The following SLC7A14 variants were observed in gnomAD, a reference collection of about 807,000 sequenced individuals.
SLC7A14 encodes gamma-aminobutyric acid transporter SLC7A14.
A neutral mutation model predicts 60.2 loss-of-function variants in SLC7A14; 37 were observed. That is an observed-to-expected ratio of 0.61 (90% CI 0.47 to 0.81). The LOEUF (loss-of-function observed/expected upper bound fraction) is 0.81. Among genes scored for constraint, SLC7A14 ranks in the 30% least tolerant of loss-of-function variants. The pLI, the probability that SLC7A14 is intolerant of heterozygous loss-of-function variation, is 0.00. For synonymous variants in SLC7A14, 399 were observed against 395.8 expected (o/e 1.01, Z -0.10); for missense variants, 886 against 982.7 (o/e 0.90, Z 1.32).
intron 4 of SLC7A14, chr3:170,496,546 G>C (rs1470786477): frequency 2.6e-5 from 41 of 1,591,628 alleles, no homozygotes; most frequent in Non-Finnish European, 3.4e-5. Context: ...CAGCAGCTGC[G>C]TGAGTACCAG....
Position 170,516,709 on chromosome 3 carries a change from G to C in SLC7A14, c.304+9924C>G, listed in dbSNP as rs568493266. The stretch of plus-strand genomic sequence containing the variant: ...TCGGGCCCAGGAGTTTGAGGCTGCA[G>C]GGAGCCATGATCATGCCACTGCACT... On this transcript the variant is annotated intron_variant, in intron 2 of 7. Coordinates refer to ENST00000231706, the MANE Select transcript of SLC7A14 (RefSeq NM_020949.3). Among the ~76,000 whole-genome samples, 10 of 152,256 alleles carry C rather than the reference G, an allele frequency of 6.6e-5. No homozygotes were observed. The South Asian group carries it at 2.1e-3, about 32-fold the overall frequency.
intron 2 of SLC7A14, among the ~76,000 whole-genome samples, chr3:170,505,103 T>G (rs1400559604): frequency 1.3e-5 from 2 of 149,204 alleles, no homozygotes; most frequent in African/African-American, 5.0e-5. Flanking sequence ...CACAAAGCAT[T>G]TTTTTTTTTG....
At chr3:170,572,060 C>CAAAAAAAAAAAAAAAAAAAA (rs765897392) in intron 1 of SLC7A14, among the ~76,000 whole-genome samples, 2 of 80,706 alleles carry the variant, frequency 2.5e-5, no homozygotes, top group Non-Finnish European at 2.5e-5. Flanking sequence ...GACTCTGTCT[C>CAAAAAAAAAAAAAAAAAAAA]AAAAAAAAAA....
chr3:170,507,591 A>G (rs1330137545), intron 2 of SLC7A14, among the ~76,000 whole-genome samples: 3 of 152,162 alleles, frequency 2.0e-5, no homozygotes, highest in East Asian at 1.9e-4. Context: ...GGGCAGACAC[A>G]TGCAGGCTAC....
intron 1 of SLC7A14, among the ~76,000 whole-genome samples, chr3:170,584,383 A>T (rs977962562): frequency 6.6e-6 from 1 of 152,230 alleles, no homozygotes; most frequent in East Asian, 1.9e-4. Flanking sequence ...AATGTTTATT[A>T]TCAAAACAGC....
intron 1 of SLC7A14, among the ~76,000 whole-genome samples, chr3:170,568,874 C>T (rs543550458): frequency 0.018 from 2,782 of 152,052 alleles, 85 homozygotes; most frequent in African/African-American, 0.064. Flanking sequence ...TCCTGAGACT[C>T]TGCTGAAGTT....
chr3:170,513,817 C>T (rs1020010003), intron 2 of SLC7A14, among the ~76,000 whole-genome samples: 19 of 152,186 alleles, frequency 1.2e-4, no homozygotes, highest in Admixed American at 7.9e-4. Context: ...CTTCATCACA[C>T]CCCAGAAATT....
At chr3:170,470,086 C>T (rs187694090) in intron 7 of SLC7A14, among the ~76,000 whole-genome samples, 37 of 152,258 alleles carry the variant, frequency 2.4e-4, no homozygotes, top group African/African-American at 8.9e-4. Flanking sequence ...CTTCATTTTA[C>T]AGAAGAAGAA....
At chr3:170,573,237 A>G (rs1714999800) in intron 1 of SLC7A14, among the ~76,000 whole-genome samples, 1 of 152,222 alleles carries the variant, frequency 6.6e-6, no homozygotes, top group African/African-American at 2.4e-5. Context: ...GAAATAACCC[A>G]ACCACTTGGA....
At chr3:170,491,533 G>C (rs1318670896) in intron 4 of SLC7A14, among the ~76,000 whole-genome samples, 1 of 152,064 alleles carries the variant, frequency 6.6e-6, no homozygotes, top group African/African-American at 2.4e-5. Flanking sequence ...TATTTAGGCA[G>C]GGTTAAGGGA....
In SLC7A14 at chr3:170,466,987, C is replaced by G; in HGVS notation, c.*68G>C. On this transcript the variant is annotated 3_prime_UTR_variant, in exon 8 of 8. Transcript: ENST00000231706. ...GAAATGAGAGCCAAAAAAGTTTTCA[C>G]CTTCTAGCCCACAGGTTAAGTTACT... 2 of 1,410,318 alleles carry G rather than the reference C, an allele frequency of 1.4e-6. No homozygotes were observed. Among genetic ancestry groups the G allele is most frequent in the Non-Finnish European group, 1.9e-6 (2 of 1,043,228 alleles). The allele number at this position is 1,410,318 out of a possible 1,614,324, so 87.4% of individuals were successfully genotyped here.
At chr3:170,572,060 CAAAA>C (rs765897392) in intron 1 of SLC7A14, among the ~76,000 whole-genome samples, 2 of 80,706 alleles carry the variant, frequency 2.5e-5, no homozygotes, top group African/African-American at 8.7e-5. Flanking sequence ...GACTCTGTCT[CAAAA>C]AAAAAAAAAA....
intron 4 of SLC7A14, chr3:170,496,708 G>A (rs1278322817): frequency 1.3e-5 from 11 of 841,496 alleles, no homozygotes; most frequent in Non-Finnish European, 2.0e-5. Context: ...TCTGAGTTCC[G>A]CCTATGGGGG....
At chr3:170,550,512 A>ATTTTTTTGTTTTTTTTTTTT (rs1714312952) in intron 1 of SLC7A14, among the ~76,000 whole-genome samples, 1 of 60,602 alleles carries the variant, frequency 1.7e-5, no homozygotes, top group Non-Finnish European at 2.8e-5. Flanking sequence ...CTTTCCTTGA[A>ATTTTTTTGTTTTTTTTTTTT]TTTTTTTTTT....
At chr3:170,543,134 G>A (rs1375754603) in intron 1 of SLC7A14, among the ~76,000 whole-genome samples, 1 of 152,152 alleles carries the variant, frequency 6.6e-6, no homozygotes, top group African/African-American at 2.4e-5. Flanking sequence ...CACGTGTGGG[G>A]TTGACCTGTC....
At chr3:170,486,468 G>GCAGGGC in intron 4 of SLC7A14, 100 bp from the exon 5 acceptor site, 1 of 1,467,492 alleles carries the variant, frequency 6.8e-7, no homozygotes, top group Non-Finnish European at 9.4e-7. Flanking sequence ...AGACATGACT[G>GCAGGGC]AGTGGCTGAG....
At chr3:170,557,135 A>C (rs1252114573) in intron 1 of SLC7A14, among the ~76,000 whole-genome samples, 1 of 152,072 alleles carries the variant, frequency 6.6e-6, no homozygotes, top group Non-Finnish European at 1.5e-5. Flanking sequence ...TACTGAGTGT[A>C]TTGTGTGGTA....
At position 170,561,839 on chromosome 3, in the gene SLC7A14, G is replaced by A. The variant is rs570209912; in HGVS notation, c.-153+24072C>T. 2.2e-4 allele frequency among the ~76,000 whole-genome samples: 33 copies of A among 152,220 alleles called. No homozygotes were observed. The South Asian group carries it at 6.8e-3, about 32-fold the overall frequency. ...TTCAAAAAGTGGACTAAGGGCATGA[G>A]TAGAAAATTCTCAAGAAAAGATATA... On this transcript the variant is annotated intron_variant, in intron 1 of 7. Coordinates refer to ENST00000231706, the MANE Select transcript of SLC7A14 (RefSeq NM_020949.3).
intron 1 of SLC7A14, among the ~76,000 whole-genome samples, chr3:170,549,238 C>T (rs1379870038): frequency 2.4e-5 from 3 of 124,928 alleles, no homozygotes; most frequent in Middle Eastern, 5.4e-3. Flanking sequence ...TTTTTTGAGA[C>T]GGAGTCTTGC....
Sources: gnomAD v4.1 joint callset for allele counts (sites outside exome capture counted in the v4.1 genomes callset) on GRCh38, gnomAD v4.1.1 for gene constraint, MANE v1.5 for transcripts, NCBI Gene and HGNC (gene_info 2026-07-23, HGNC 2026-07-21) for gene names.